Variants in EEPD1 observed in about 807,000 individuals in gnomAD.
EEPD1 encodes endonuclease/exonuclease/phosphatase family domain-containing protein 1.
A neutral mutation model predicts 46.3 loss-of-function variants in EEPD1; 17 were observed. The ratio of observed to expected loss-of-function variants is 0.37; its 90% CI spans 0.25 to 0.55. EEPD1 has a LOEUF of 0.55. Among genes scored for constraint, EEPD1 ranks in the 20% least tolerant of loss-of-function variants. The pLI, the probability that EEPD1 is intolerant of heterozygous loss-of-function variation, is 0.83. For synonymous variants in EEPD1, 313 were observed against 315.6 expected (o/e 0.99, Z 0.09); for missense variants, 673 against 745.6 (o/e 0.90, Z 1.13).
intron 2 of EEPD1, among the ~76,000 whole-genome samples, chr7:36,195,410 A>G (rs1449227688): frequency 3.3e-5 from 5 of 152,224 alleles, no homozygotes; most frequent in South Asian, 2.1e-4. Context: ...GGGTTCCTCT[A>G]TAAAAGTTTC....
intron 2 of EEPD1, among the ~76,000 whole-genome samples, chr7:36,159,406 G>A (rs1046733067): frequency 1.4e-4 from 21 of 152,166 alleles, no homozygotes; most frequent in African/African-American, 4.8e-4. Flanking sequence ...TAACATCTGG[G>A]GACAGAATGC....
intron 2 of EEPD1, among the ~76,000 whole-genome samples, chr7:36,213,009 C>T (rs1785962953): frequency 6.6e-6 from 1 of 152,032 alleles, no homozygotes; most frequent in Non-Finnish European, 1.5e-5. Flanking sequence ...AAAAATTAGC[C>T]AGGTATGGTG....
intron 3 of EEPD1, among the ~76,000 whole-genome samples, chr7:36,277,194 TC>T (rs1371821588): frequency 1.3e-5 from 2 of 152,252 alleles, no homozygotes; most frequent in Non-Finnish European, 2.9e-5. Context: ...CCTCCCCTGT[TC>T]CACCTGTCGA....
chr7:36,203,430 A>C (rs936622677), intron 2 of EEPD1, among the ~76,000 whole-genome samples: 1 of 152,160 alleles, frequency 6.6e-6, no homozygotes, highest in Non-Finnish European at 1.5e-5. Context: ...CTCTAAATTA[A>C]CACCTGCCCG....
rs183154423 is a variant in EEPD1, at chr7:36,161,712, A to T, written c.878+6510A>T. 4.6e-5 allele frequency among the ~76,000 whole-genome samples: 7 copies of T among 152,028 alleles called. No homozygotes were observed. In the East Asian group the frequency reaches 1.4e-3, roughly 29 times the overall value. The stretch of plus-strand genomic sequence containing the variant: ...TGTGTGTCATTTTAATTTCAAAATG[A>T]CCTTCCCCAGCCTGGGAAACATAGC... On this transcript the variant is annotated intron_variant, in intron 2 of 7. Transcript: ENST00000242108.
At chr7:36,285,441 C>T (rs1307780892) in intron 5 of EEPD1, among the ~76,000 whole-genome samples, 3 of 152,160 alleles carry the variant, frequency 2.0e-5, no homozygotes, top group East Asian at 3.9e-4. Context: ...TGGCATCGCC[C>T]ATGTGGGAAT....
At chr7:36,269,094 A>G (rs1479842379) in intron 3 of EEPD1, among the ~76,000 whole-genome samples, 1 of 152,230 alleles carries the variant, frequency 6.6e-6, no homozygotes, top group Non-Finnish European at 1.5e-5. Flanking sequence ...TGGAGTGGGC[A>G]GTAGACATTC....
chr7:36,170,145 C>T (rs190200921), intron 2 of EEPD1, among the ~76,000 whole-genome samples: 128 of 152,316 alleles, frequency 8.4e-4, no homozygotes, highest in Non-Finnish European at 1.5e-3. Flanking sequence ...TGGCTCGCGC[C>T]TGTAATCCCA....
At position 36,192,451 on chromosome 7, in the gene EEPD1, C is replaced by A. The variant is rs534340675; in HGVS notation, c.878+37249C>A. ...CTGGGGAAGACACCTTTCTTTGTGT[C>A]CAATTTCCAGGACAGTGACACTGTC... On this transcript the variant is annotated intron_variant, in intron 2 of 7. Transcript: ENST00000242108. 9.2e-5 allele frequency among the ~76,000 whole-genome samples: 14 copies of A among 152,214 alleles called. No homozygotes were observed. In the South Asian group the frequency reaches 2.7e-3, roughly 29 times the overall value.
At chr7:36,164,910 G>T (rs1479303633) in intron 2 of EEPD1, among the ~76,000 whole-genome samples, 1 of 152,116 alleles carries the variant, frequency 6.6e-6, no homozygotes, top group African/African-American at 2.4e-5. Flanking sequence ...AGGATATAAA[G>T]AAAGAAAATG....
At chr7:36,286,529 C>T (rs932516889) in intron 5 of EEPD1, among the ~76,000 whole-genome samples, 3 of 152,236 alleles carry the variant, frequency 2.0e-5, no homozygotes, top group African/African-American at 7.2e-5. Context: ...CTGAGCAGTG[C>T]TGTGATGCCC....
At chr7:36,182,620 T>TG (rs1332682471) in intron 2 of EEPD1, among the ~76,000 whole-genome samples, 1 of 152,278 alleles carries the variant, frequency 6.6e-6, no homozygotes, top group Non-Finnish European at 1.5e-5. Flanking sequence ...GGGCCCCGCA[T>TG]GGCTTTCATC....
intron 2 of EEPD1, among the ~76,000 whole-genome samples, chr7:36,237,220 G>A (rs1379447666): frequency 1.3e-5 from 2 of 152,178 alleles, no homozygotes; most frequent in Admixed American, 6.5e-5. Flanking sequence ...CCAAACATCC[G>A]AAGGAACAAA....
chr7:36,174,265 G>A (rs944781125), intron 2 of EEPD1, among the ~76,000 whole-genome samples: 1 of 152,160 alleles, frequency 6.6e-6, no homozygotes, highest in Non-Finnish European at 1.5e-5. Flanking sequence ...ATCAAGCATT[G>A]TTGATTTCTG....
intron 3 of EEPD1, among the ~76,000 whole-genome samples, chr7:36,245,313 C>T (rs541994409): frequency 1.3e-5 from 2 of 152,184 alleles, no homozygotes; most frequent in South Asian, 2.1e-4. Context: ...TCAGTTTTCT[C>T]GTATTTTCTC....
chr7:36,252,143 GA>G (rs1430669278), intron 3 of EEPD1, among the ~76,000 whole-genome samples: 6 of 152,090 alleles, frequency 3.9e-5, no homozygotes, highest in Non-Finnish European at 8.8e-5. Flanking sequence ...TGGATTTATA[GA>G]AAAAAAGAAC....
In EEPD1 at chr7:36,276,472, G is replaced by A. The variant is rs117126675; in HGVS notation, c.931-4643G>A. On this transcript the variant is annotated intron_variant, in intron 3 of 7. Coordinates refer to ENST00000242108, the MANE Select transcript of EEPD1 (RefSeq NM_030636.3). ...CATTCATTCAACAAATGCCCATTGC[G>A]TACCTACTGTGTGCCATAGTGTGAC... Among the ~76,000 whole-genome samples, 139 of 152,240 alleles carry A rather than the reference G, an allele frequency of 9.1e-4. 4 individuals carry two copies. In the East Asian group the frequency reaches 0.024, roughly 26 times the overall value.
chr7:36,278,960 T>C (rs1430354534), intron 3 of EEPD1, among the ~76,000 whole-genome samples: 4 of 152,206 alleles, frequency 2.6e-5, no homozygotes, highest in Non-Finnish European at 4.4e-5. Flanking sequence ...AAAGTCATGG[T>C]TGAGCAAATT....
chr7:36,196,892 G>T (rs1286224183), intron 2 of EEPD1, among the ~76,000 whole-genome samples: 1 of 151,148 alleles, frequency 6.6e-6, no homozygotes, highest in Non-Finnish European at 1.5e-5. Context: ...GATGTGAGGA[G>T]CCCCTCTGCC....
Sources: gnomAD v4.1 joint callset for allele counts (sites outside exome capture counted in the v4.1 genomes callset) on GRCh38, gnomAD v4.1.1 for gene constraint, MANE v1.5 for transcripts, NCBI Gene and HGNC (gene_info 2026-07-23, HGNC 2026-07-21) for gene names.